GABRA5: variants seen among roughly 807,000 people sequenced by gnomAD.
GABRA5 encodes the protein gamma-aminobutyric acid receptor subunit alpha-5.
Under a neutral mutation model 47.3 loss-of-function variants are expected in GABRA5, and 18 were observed. That is an observed-to-expected ratio of 0.38 (90% CI 0.26 to 0.56). The LOEUF (loss-of-function observed/expected upper bound fraction) is 0.56. Ranked by LOEUF, GABRA5 falls within the 20% of genes least tolerant of loss-of-function variation. The pLI is 0.71. For synonymous variants in GABRA5, 237 were observed against 229.3 expected, an observed-to-expected ratio of 1.03 and a Z score of -0.30; for missense variants, 365 against 599.3, an observed-to-expected ratio of 0.61 and a Z score of 4.08.
intron 6 of GABRA5, among the ~76,000 whole-genome samples, chr15:26,884,441 T>G (rs1892824760): frequency 6.6e-6 from 1 of 152,074 alleles, no homozygotes; most frequent in Non-Finnish European, 1.5e-5. Context: ...CCAAAGTGGG[T>G]CTATGGAAGT....
chr15:26,901,135 C>T, intron 6 of GABRA5, among the ~76,000 whole-genome samples: 1 of 152,148 alleles, frequency 6.6e-6, no homozygotes, highest in Non-Finnish European at 1.5e-5. Context: ...CTTGTGAAGG[C>T]TTTTGTGTAG....
At position 26,889,730 on chromosome 15, in the gene GABRA5, T is replaced by C. The variant is rs146190957; in HGVS notation, c.497+6173T>C. ...GACTTGCAATTTTTAAGGTAACACA[T>C]TTTATATTGGCAAGAATCAAAATAT... On this transcript the variant is annotated intron_variant, in intron 6 of 10. Transcript: ENST00000335625. Among the ~76,000 whole-genome samples, 66 of 152,296 alleles carry C rather than the reference T, an allele frequency of 4.3e-4. 1 individual carries two copies. The East Asian group carries it at 0.012, about 28-fold the overall frequency.
chr15:26,893,504 C>T (rs1008220708), intron 6 of GABRA5, among the ~76,000 whole-genome samples: 7 of 12,068 alleles, frequency 5.8e-4, no homozygotes, highest in African/African-American at 1.6e-3. Flanking sequence ...GGGCCTGGAC[C>T]TCCCTCCTGC....
At chr15:26,916,007 T>C (rs551637924) in intron 7 of GABRA5, among the ~76,000 whole-genome samples, 2 of 152,366 alleles carry the variant, frequency 1.3e-5, no homozygotes, top group East Asian at 3.9e-4. Flanking sequence ...GTCTCATCAC[T>C]ATAAATCATC....
intron 7 of GABRA5, among the ~76,000 whole-genome samples, chr15:26,935,027 C>G (rs1184323901): frequency 1.3e-5 from 2 of 152,160 alleles, no homozygotes; most frequent in African/African-American, 2.4e-5. Flanking sequence ...GGCACTGCAA[C>G]CTGATTGCCT....
At chr15:26,881,088 G>A (rs1404554541) in intron 4 of GABRA5, 121 bp downstream of exon 4, 2 of 1,091,350 alleles carry the variant, frequency 1.8e-6, no homozygotes, top group African/African-American at 1.6e-5. Context: ...CAGGATTTTG[G>A]TATGATGGCT....
Position 26,911,001 on chromosome 15 carries a change from A to C in GABRA5, c.498-3802A>C, listed in dbSNP as rs180856913. Among the ~76,000 whole-genome samples, 598 of 152,300 alleles carry C rather than the reference A, an allele frequency of 3.9e-3. 3 individuals are homozygous for C. The highest frequency in any genetic ancestry group is 0.013 in the African/African-American group (553 of 41,562). ...TTCTTTCACTGAGAGATACTTTTTG[A>C]GTATTATAAAAGCATAGGCCATTTT... On this transcript the variant is annotated intron_variant, in intron 6 of 10. Transcript: ENST00000335625.
At chr15:26,895,744 C>A (rs1000866616) in intron 6 of GABRA5, among the ~76,000 whole-genome samples, 23 of 146,768 alleles carry the variant, frequency 1.6e-4, no homozygotes, top group East Asian at 2.0e-4. Flanking sequence ...ACCCGGGAGG[C>A]GGAGGTTGCA....
chr15:26,911,367 GCATGCACACACACA>G (rs930676398), intron 6 of GABRA5, among the ~76,000 whole-genome samples: 5 of 122,772 alleles, frequency 4.1e-5, no homozygotes, highest in Non-Finnish European at 6.9e-5. Context: ...CACCCTTGCT[GCATGCACACACACA>G]CACACACACA....
intron 6 of GABRA5, among the ~76,000 whole-genome samples, chr15:26,891,787 A>G (rs1489012663): frequency 3.9e-5 from 6 of 152,230 alleles, no homozygotes. Flanking sequence ...CGGACACCAG[A>G]GTCCCGAGTC....
At chr15:26,897,889 T>C (rs1893238129) in intron 6 of GABRA5, among the ~76,000 whole-genome samples, 1 of 152,110 alleles carries the variant, frequency 6.6e-6, no homozygotes, top group Non-Finnish European at 1.5e-5. Flanking sequence ...TTTTATCACA[T>C]TGTTTTCTAA....
chr15:26,887,839 C>T (rs1892916406), intron 6 of GABRA5, among the ~76,000 whole-genome samples: 1 of 152,134 alleles, frequency 6.6e-6, no homozygotes, highest in Non-Finnish European at 1.5e-5. Flanking sequence ...TACGTGTATT[C>T]AGTGTATAAT....
At chr15:26,908,536 G>A (rs1253795445) in intron 6 of GABRA5, among the ~76,000 whole-genome samples, 7 of 152,144 alleles carry the variant, frequency 4.6e-5, no homozygotes, top group African/African-American at 1.7e-4. Context: ...GCACAACTCT[G>A]GTGCATAGAA....
intron 6 of GABRA5, among the ~76,000 whole-genome samples, chr15:26,900,256 A>G (rs984563540): frequency 7.9e-5 from 12 of 152,176 alleles, no homozygotes; most frequent in African/African-American, 2.9e-4. Flanking sequence ...ATTAACATAG[A>G]TTTACAATTA....
chr15:26,910,943 T>A (rs1004626186), intron 6 of GABRA5, among the ~76,000 whole-genome samples: 2 of 152,152 alleles, frequency 1.3e-5, no homozygotes, highest in African/African-American at 4.8e-5. Context: ...ATCAAAGCAT[T>A]CCACATTTCA....
chr15:26,909,214 T>C (rs1328132802), intron 6 of GABRA5, among the ~76,000 whole-genome samples: 2 of 152,274 alleles, frequency 1.3e-5, no homozygotes, highest in Admixed American at 1.3e-4. Flanking sequence ...GCGTCACTCT[T>C]GCTTCCACTT....
intron 6 of GABRA5, among the ~76,000 whole-genome samples, chr15:26,894,503 G>A (rs9745262): frequency 0.85 from 129,255 of 152,044 alleles, 55,272 homozygotes; most frequent in Non-Finnish European, 0.9. Context: ...CGATTTCCGT[G>A]GCGTCAGATG....
intron 6 of GABRA5, among the ~76,000 whole-genome samples, chr15:26,909,667 T>C (rs1383786659): frequency 6.6e-6 from 1 of 152,160 alleles, no homozygotes. Flanking sequence ...TCATCACATG[T>C]TTTTCTCTGA....
At chr15:26,895,475 T>A (rs1893160755) in intron 6 of GABRA5, among the ~76,000 whole-genome samples, 1 of 152,092 alleles carries the variant, frequency 6.6e-6, no homozygotes, top group Non-Finnish European at 1.5e-5. Flanking sequence ...AACTGCTTCA[T>A]GCCTTATGGA....
Sources: allele counts gnomAD v4.1 joint callset (sites outside exome capture counted in the v4.1 genomes callset), GRCh38; gene constraint gnomAD v4.1.1; transcripts MANE v1.5; gene names NCBI Gene and HGNC (gene_info 2026-07-23, HGNC 2026-07-21).